The following PCDH15 variants were observed in gnomAD, a reference collection of about 807,000 sequenced individuals.
PCDH15 encodes the protein protocadherin-15.
In PCDH15, 129 loss-of-function variants were observed where a neutral mutation model predicts 178.5. The ratio of observed to expected loss-of-function variants is 0.72; its 90% CI spans 0.63 to 0.84. PCDH15 has a LOEUF of 0.84. Ranked by LOEUF, PCDH15 falls within the 40% of genes least tolerant of loss-of-function variation. PCDH15 has a pLI of 0.00. For synonymous variants in PCDH15, 800 were observed against 732.0 expected (o/e 1.09, Z -1.50); for missense variants, 2,230 against 2,099.9 (o/e 1.06, Z -1.21).
intron 1 of PCDH15, among the ~76,000 whole-genome samples, chr10:54,716,199 G>A (rs1203445273): frequency 2.6e-5 from 4 of 152,126 alleles, no homozygotes; most frequent in African/African-American, 9.7e-5. Flanking sequence ...AAGGAGGAAG[G>A]TGATACCACT....
intron 3 of PCDH15, among the ~76,000 whole-genome samples, chr10:54,489,135 G>A (rs1001044284): frequency 1.3e-5 from 2 of 151,980 alleles, no homozygotes; most frequent in African/African-American, 4.8e-5. Flanking sequence ...AAGGAGCTAA[G>A]ATACCATTAA....
At chr10:55,221,170 C>T (rs1331839092) in intron 1 of PCDH15, among the ~76,000 whole-genome samples, 4 of 152,012 alleles carry the variant, frequency 2.6e-5, no homozygotes, top group Admixed American at 2.6e-4. Flanking sequence ...CTCACACATA[C>T]ATTGCACAAT....
chr10:55,442,484 TA>T (rs869220067), intron 2 of PCDH15, among the ~76,000 whole-genome samples: 37,237 of 122,318 alleles, frequency 0.3, 5,697 homozygotes, highest in African/African-American at 0.37. Context: ...ATATATATTA[TA>T]TATATATATA....
At chr10:54,298,003 T>A (rs2059907273) in intron 8 of PCDH15, among the ~76,000 whole-genome samples, 2 of 152,158 alleles carry the variant, frequency 1.3e-5, no homozygotes. Context: ...GTGCCCAGTA[T>A]GGATCCCCAC....
chr10:55,132,576 T>C (rs994342530), intron 2 of PCDH15, among the ~76,000 whole-genome samples: 3 of 152,086 alleles, frequency 2.0e-5, no homozygotes, highest in Non-Finnish European at 2.9e-5. Context: ...ACTTACAAAT[T>C]TATACCCCAA....
intron 1 of PCDH15, among the ~76,000 whole-genome samples, chr10:55,285,884 G>A (rs773230190): frequency 2.0e-4 from 31 of 152,036 alleles, no homozygotes; most frequent in African/African-American, 7.2e-4. Context: ...GTGCCAAGCA[G>A]CTTCATTTAT....
intron 2 of PCDH15, among the ~76,000 whole-genome samples, chr10:55,108,766 G>C (rs976666027): frequency 1.3e-5 from 2 of 151,744 alleles, no homozygotes; most frequent in Non-Finnish European, 2.9e-5. Flanking sequence ...TATAGTTTCA[G>C]GCCTGAAATA....
intron 25 of PCDH15, among the ~76,000 whole-genome samples, chr10:53,914,006 T>C (rs891794500): frequency 6.6e-6 from 1 of 152,016 alleles, no homozygotes; most frequent in Non-Finnish European, 1.5e-5. Flanking sequence ...AACAGACACA[T>C]GAAAAAAGGC....
At chr10:55,265,304 T>G (rs1439573766) in intron 1 of PCDH15, among the ~76,000 whole-genome samples, 1 of 129,054 alleles carries the variant, frequency 7.7e-6, no homozygotes, top group Non-Finnish European at 1.5e-5. Context: ...TAGAGATGTA[T>G]CTCTATGATA....
chr10:53,950,588 G>T (rs2086942328), intron 23 of PCDH15, among the ~76,000 whole-genome samples: 2 of 152,122 alleles, frequency 1.3e-5, no homozygotes, highest in Non-Finnish European at 2.9e-5. Flanking sequence ...ATCTATTCCA[G>T]ACGTGTTGAC....
chr10:55,201,271 G>A (rs1840240753), intron 1 of PCDH15, among the ~76,000 whole-genome samples: 1 of 152,044 alleles, frequency 6.6e-6, no homozygotes, highest in Admixed American at 6.5e-5. Context: ...GGGTCACGCA[G>A]AGCCTGAAGA....
chr10:54,929,708 A>G (rs1172144706), intron 2 of PCDH15, among the ~76,000 whole-genome samples: 3 of 152,150 alleles, frequency 2.0e-5, no homozygotes, highest in African/African-American at 7.2e-5. Context: ...AACAAGTCTG[A>G]GTGTGTGGCT....
At chr10:54,570,154 C>A (rs2089612427) in intron 2 of PCDH15, among the ~76,000 whole-genome samples, 1 of 151,916 alleles carries the variant, frequency 6.6e-6, no homozygotes, top group South Asian at 2.1e-4. Context: ...AATGGATCAA[C>A]TACAAGTGGT....
At chr10:53,818,395 A>T (rs916337736) in intron 33 of PCDH15, 2 of 158,904 alleles carry the variant, frequency 1.3e-5, no homozygotes, top group African/African-American at 4.8e-5. Context: ...TTAGGGGAAG[A>T]GATATGCTTT....
intron 2 of PCDH15, among the ~76,000 whole-genome samples, chr10:55,626,341 C>T (rs747757336): frequency 2.0e-5 from 3 of 151,978 alleles, no homozygotes; most frequent in African/African-American, 2.4e-5. Context: ...TAGGATATCC[C>T]GAAATCTACA....
intron 2 of PCDH15, among the ~76,000 whole-genome samples, chr10:54,542,536 C>T (rs2085359921): frequency 6.6e-6 from 1 of 152,116 alleles, no homozygotes; most frequent in Non-Finnish European, 1.5e-5. Context: ...AAGCATAAAG[C>T]AAATATTTCC....
intron 1 of PCDH15, among the ~76,000 whole-genome samples, chr10:54,716,673 G>C (rs548953510): frequency 6.6e-6 from 1 of 152,112 alleles, no homozygotes; most frequent in African/African-American, 2.4e-5. Flanking sequence ...GAGTGAAAAT[G>C]GCCATACCAC....
chr10:54,117,405 C>G (rs533160569), intron 15 of PCDH15, among the ~76,000 whole-genome samples: 4 of 152,048 alleles, frequency 2.6e-5, no homozygotes, highest in Non-Finnish European at 5.9e-5. Flanking sequence ...GTGTCACAGC[C>G]CTGGTTTGGG....
At chr10:55,010,213 A>C (rs140265432) in intron 2 of PCDH15, among the ~76,000 whole-genome samples, 1 of 150,850 alleles carries the variant, frequency 6.6e-6, no homozygotes, top group Non-Finnish European at 1.5e-5. Flanking sequence ...AGGAAGAAAT[A>C]ATAAATAAAT....
Sources: gnomAD v4.1 joint callset for allele counts (sites outside exome capture counted in the v4.1 genomes callset) on GRCh38, gnomAD v4.1.1 for gene constraint, MANE v1.5 for transcripts, NCBI Gene and HGNC (gene_info 2026-07-23, HGNC 2026-07-21) for gene names.